LDLRAD3: variants seen among roughly 807,000 people sequenced by gnomAD.
LDLRAD3 encodes low density lipoprotein receptor class A domain containing 3, also known as low-density lipoprotein receptor class A domain-containing protein 3.
In LDLRAD3, 20 loss-of-function variants were observed where a neutral mutation model predicts 29.4. The ratio of observed to expected loss-of-function variants is 0.68; its 90% CI spans 0.48 to 0.99. LDLRAD3 has a LOEUF of 0.99. Among genes scored for constraint, LDLRAD3 ranks in the 50% least tolerant of loss-of-function variants. The pLI is 0.00. For synonymous variants in LDLRAD3, 157 were observed against 192.7 expected (o/e 0.81, Z 1.53); for missense variants, 420 against 454.3 (o/e 0.92, Z 0.69).
chr11:36,101,712 G>A (rs912965498), intron 4 of LDLRAD3, among the ~76,000 whole-genome samples: 2 of 152,004 alleles, frequency 1.3e-5, no homozygotes, highest in African/African-American at 4.8e-5. Flanking sequence ...TAACCTCTAT[G>A]TCCAAACCGA....
At chr11:36,097,219 T>A (rs1360440628) in intron 3 of LDLRAD3, among the ~76,000 whole-genome samples, 2 of 152,230 alleles carry the variant, frequency 1.3e-5, no homozygotes, top group Non-Finnish European at 2.9e-5. Flanking sequence ...TGGGCTTTTT[T>A]GTTTGCAAAG....
At position 36,003,438 on chromosome 11, in the gene LDLRAD3, G is replaced by C. The variant is rs562964893; in HGVS notation, c.47-32665G>C. Among the ~76,000 whole-genome samples the C allele has an allele frequency of 5.9e-5, 9 of 152,326 alleles. No individual in the cohort carries two copies. In the East Asian group the frequency reaches 1.7e-3, roughly 29 times the overall value. On this transcript the variant is annotated intron_variant, in intron 1 of 5. Coordinates refer to ENST00000315571, the MANE Select transcript of LDLRAD3 (RefSeq NM_174902.4). ...CAGGAGGCCTGTGAGCTTCCAAGCTGAGTGGACTTGGAGGGAAAGTGAGAG... is the reference window on the plus strand; with the variant it reads ...CAGGAGGCCTGTGAGCTTCCAAGCTCAGTGGACTTGGAGGGAAAGTGAGAG...
Position 36,230,576 on chromosome 11 carries a change from G to A in LDLRAD3, c.*1179G>A, listed in dbSNP as rs978528802. ...TCAGGCCTCTCCCAACATCCCAGTA[G>A]TTTCTCCTCTGAGACACATGGGCAA... is the stretch of plus-strand genomic sequence containing the variant. On this transcript the variant is annotated 3_prime_UTR_variant, in exon 6 of 6. Coordinates refer to ENST00000315571, the MANE Select transcript of LDLRAD3 (RefSeq NM_174902.4). 5.2e-5 allele frequency: 8 copies of A among 152,662 alleles called. No individual in the cohort carries two copies. The highest frequency in any genetic ancestry group is 1.7e-4 in the African/African-American group (7 of 41,430). The allele number at this position is 152,662 out of a possible 1,614,324, so 9.5% of individuals were successfully genotyped here. A position where few individuals can be genotyped will look rare whatever the true frequency, so the allele number is the denominator to read the frequency against.
chr11:36,003,356 C>G (rs549739140), intron 1 of LDLRAD3, among the ~76,000 whole-genome samples: 2 of 152,198 alleles, frequency 1.3e-5, no homozygotes, highest in Non-Finnish European at 2.9e-5. Flanking sequence ...TGTTGCTTTT[C>G]TTCCATATTA....
chr11:36,032,050 A>G (rs755788166), intron 1 of LDLRAD3, among the ~76,000 whole-genome samples: 3 of 152,038 alleles, frequency 2.0e-5, no homozygotes, highest in African/African-American at 4.8e-5. Flanking sequence ...TCCCTCTTAC[A>G]TGGTCTCTTT....
intron 4 of LDLRAD3, among the ~76,000 whole-genome samples, chr11:36,135,045 T>C (rs12098947): frequency 0.16 from 24,493 of 152,146 alleles, 2,234 homozygotes; most frequent in Admixed American, 0.3. Flanking sequence ...CTTTCCCTCC[T>C]CTTCCTCACT....
At chr11:35,969,333 G>C (rs1851383236) in intron 1 of LDLRAD3, among the ~76,000 whole-genome samples, 1 of 152,134 alleles carries the variant, frequency 6.6e-6, no homozygotes, top group Non-Finnish European at 1.5e-5. Context: ...TGGAAGCTCT[G>C]ACTGGCTAGT....
In LDLRAD3 at chr11:36,095,376, A is replaced by C. The variant is rs190919562; in HGVS notation, c.320-2951A>C. Among the ~76,000 whole-genome samples the C allele has an allele frequency of 2.9e-3, 333 of 116,204 alleles. 3 individuals are homozygous for C. Among genetic ancestry groups the C allele is most frequent in the Non-Finnish European group, 5.6e-3 (274 of 49,118 alleles). The allele number at this position is 116,204 out of a possible 152,430, so 76.2% of individuals were successfully genotyped here. On this transcript the variant is annotated intron_variant, in intron 3 of 5. Transcript: ENST00000315571. The stretch of plus-strand genomic sequence containing the variant: ...TTCTTGCCAATGACCTGGTACTTTA[A>C]GACCTTGAGTGTGGCACGTCATCAC...
At chr11:36,175,085 T>G (rs1854656535) in intron 4 of LDLRAD3, among the ~76,000 whole-genome samples, 1 of 152,220 alleles carries the variant, frequency 6.6e-6, no homozygotes, top group Non-Finnish European at 1.5e-5. Flanking sequence ...TTTACGCTGT[T>G]GATGGGACTG....
At chr11:36,081,616 TCTC>T (rs1565209255) in intron 2 of LDLRAD3, 34 bp from the exon 3 acceptor site, 1 of 1,613,974 alleles carries the variant, frequency 6.2e-7, no homozygotes, top group Non-Finnish European at 8.5e-7. Flanking sequence ...TCTGAGAACA[TCTC>T]CTGATGTCTT....
At chr11:36,089,433 T>TC (rs1491070967) in intron 3 of LDLRAD3, among the ~76,000 whole-genome samples, 1 of 10,460 alleles carries the variant, frequency 9.6e-5, no homozygotes, top group East Asian at 1.5e-3. Context: ...CCCAATACAT[T>TC]TTTTTTTTTT....
intron 4 of LDLRAD3, among the ~76,000 whole-genome samples, chr11:36,192,656 A>G (rs563176724): frequency 1.3e-5 from 2 of 152,020 alleles, no homozygotes; most frequent in Admixed American, 6.5e-5. Context: ...TTTCTCTCAC[A>G]CTCCTAGGCA....
At chr11:36,155,912 ATAG>A (rs1311709299) in intron 4 of LDLRAD3, among the ~76,000 whole-genome samples, 1 of 152,162 alleles carries the variant, frequency 6.6e-6, no homozygotes, top group East Asian at 1.9e-4. Context: ...TGAGCCAGCA[ATAG>A]TAGCATGTGG....
At chr11:36,139,235 A>G (rs942912297) in intron 4 of LDLRAD3, among the ~76,000 whole-genome samples, 2 of 152,212 alleles carry the variant, frequency 1.3e-5, no homozygotes, top group Non-Finnish European at 2.9e-5. Context: ...ACAACTAACA[A>G]TGTCTCTAAG....
intron 1 of LDLRAD3, chr11:35,972,314 A>G (rs1851423042): frequency 6.6e-6 from 1 of 152,230 alleles, no homozygotes; most frequent in Non-Finnish European, 1.5e-5. Flanking sequence ...ACGGGCCAGG[A>G]TTTAGGAGTT....
chr11:36,090,196 A>G (rs1276194495), intron 3 of LDLRAD3, among the ~76,000 whole-genome samples: 1 of 152,210 alleles, frequency 6.6e-6, no homozygotes, highest in Non-Finnish European at 1.5e-5. Context: ...GCAGATCATA[A>G]GAAGTTGAGA....
chr11:36,085,275 G>A (rs1346144048), intron 3 of LDLRAD3, among the ~76,000 whole-genome samples: 2 of 151,416 alleles, frequency 1.3e-5, no homozygotes, highest in Non-Finnish European at 2.9e-5. Context: ...TACGATTTCT[G>A]GAGAGAAATT....
chr11:35,949,249 G>A (rs1851100838), intron 1 of LDLRAD3, among the ~76,000 whole-genome samples: 2 of 152,116 alleles, frequency 1.3e-5, no homozygotes, highest in African/African-American at 2.4e-5. Context: ...TTTTCTATAT[G>A]TGGTTTCCTT....
At position 36,051,003 on chromosome 11, in the gene LDLRAD3, C is replaced by T. The variant is rs1447425484; in HGVS notation, c.193+14754C>T. Among the ~76,000 whole-genome samples, 8 of 152,276 alleles carry T rather than the reference C, an allele frequency of 5.3e-5. No individual in the cohort carries two copies. In the East Asian group the frequency reaches 1.2e-3, roughly 22 times the overall value. On this transcript the variant is annotated intron_variant, in intron 2 of 5. Transcript: ENST00000315571. The stretch of plus-strand genomic sequence containing the variant: ...CTAATCTCATTAATGAGGGCTCCAC[C>T]CTCATGATCTAACCAGCTCCCAAGA...
Sources: gnomAD v4.1 joint callset for allele counts (sites outside exome capture counted in the v4.1 genomes callset) on GRCh38, gnomAD v4.1.1 for gene constraint, MANE v1.5 for transcripts, NCBI Gene and HGNC (gene_info 2026-07-23, HGNC 2026-07-21) for gene names.